RAP1GAP2: variants seen among roughly 807,000 people sequenced by gnomAD.
RAP1GAP2 encodes the protein rap1 GTPase-activating protein 2.
Under a neutral mutation model 95.0 loss-of-function variants are expected in RAP1GAP2, and 27 were observed. The ratio of observed to expected loss-of-function variants is 0.28; its 90% CI spans 0.21 to 0.39. The LOEUF is 0.39. RAP1GAP2 is among the 10% of genes least tolerant of loss of function. The pLI, the probability that RAP1GAP2 is intolerant of heterozygous loss-of-function variation, is 1.00. For synonymous variants in RAP1GAP2, 373 were observed against 380.9 expected (o/e 0.98, Z 0.24); for missense variants, 771 against 970.0 (o/e 0.79, Z 2.72).
At chr17:2,912,216 A>G (rs2042410271) in intron 3 of RAP1GAP2, among the ~76,000 whole-genome samples, 2 of 152,230 alleles carry the variant, frequency 1.3e-5, no homozygotes, top group African/African-American at 2.4e-5. Context: ...GCCCCTCTCT[A>G]TCCCTCTGGG....
chr17:2,872,865 G>A (rs1202890824), intron 2 of RAP1GAP2, among the ~76,000 whole-genome samples: 5 of 151,962 alleles, frequency 3.3e-5, no homozygotes, highest in Non-Finnish European at 7.4e-5. Context: ...ATCCCACTTT[G>A]TTGCCCAGGC....
At chr17:2,761,223 G>T (rs924688749) in intron 1 of RAP1GAP2, among the ~76,000 whole-genome samples, 1 of 151,616 alleles carries the variant, frequency 6.6e-6, no homozygotes, top group African/African-American at 2.4e-5. Flanking sequence ...CCAAAGTGCT[G>T]GGATTACAGG....
chr17:2,923,924 G>A (rs1411351227), intron 3 of RAP1GAP2, among the ~76,000 whole-genome samples: 2 of 152,144 alleles, frequency 1.3e-5, no homozygotes, highest in Non-Finnish European at 2.9e-5. Context: ...GTAATAAAAA[G>A]AGCTAAATTC....
chr17:2,868,067 GGC>G (rs2151633820), intron 2 of RAP1GAP2, among the ~76,000 whole-genome samples: 1 of 152,302 alleles, frequency 6.6e-6, no homozygotes, highest in East Asian at 1.9e-4. Context: ...GCTCGGGGTT[GGC>G]TCTCGGCTCT....
intron 17 of RAP1GAP2, among the ~76,000 whole-genome samples, chr17:3,013,282 C>T (rs532814986): frequency 1.3e-5 from 2 of 152,236 alleles, no homozygotes; most frequent in Non-Finnish European, 2.9e-5. Context: ...AGCAGGGCCC[C>T]GCCAAGAATC....
intron 2 of RAP1GAP2, among the ~76,000 whole-genome samples, chr17:2,810,185 A>T (rs1244224966): frequency 6.6e-6 from 1 of 151,964 alleles, no homozygotes; most frequent in East Asian, 1.9e-4. Flanking sequence ...GGACCTTGCG[A>T]GCTTTGTCTG....
intron 14 of RAP1GAP2, among the ~76,000 whole-genome samples, chr17:2,999,551 C>T (rs186915925): frequency 1.6e-4 from 25 of 152,310 alleles, no homozygotes; most frequent in African/African-American, 5.8e-4. Flanking sequence ...CAAATAATTT[C>T]AGCCCATCCT....
chr17:2,978,194 G>T (rs191766150), intron 8 of RAP1GAP2, among the ~76,000 whole-genome samples: 3 of 152,146 alleles, frequency 2.0e-5, no homozygotes, highest in Admixed American at 2.0e-4. Flanking sequence ...CCTTAGCATA[G>T]AATTTTTTTC....
intron 2 of RAP1GAP2, among the ~76,000 whole-genome samples, chr17:2,889,863 G>GTGTATATATA (rs1363693850): frequency 1.3e-5 from 1 of 79,860 alleles, no homozygotes; most frequent in Non-Finnish European, 2.2e-5. Flanking sequence ...TTATGTGTGT[G>GTGTATATATA]TATATATATA....
rs189633121 is a variant in RAP1GAP2, at chr17:2,960,216, C to T, written c.201+2422C>T. On this transcript the variant is annotated intron_variant, in intron 4 of 24. Coordinates refer to ENST00000254695, the MANE Select transcript of RAP1GAP2 (RefSeq NM_015085.5). ...GGCCCCGTGCTGGGCAGTGGCTCTG[C>T]GGTAGGTTATTAGGGGAGGGAGTGG... Among the ~76,000 whole-genome samples, 213 of 151,380 alleles carry T rather than the reference C, an allele frequency of 1.4e-3. 1 individual carries two copies. The Middle Eastern group carries it at 0.021, about 15-fold the overall frequency.
chr17:3,002,334 G>C (rs2046189370), intron 14 of RAP1GAP2, among the ~76,000 whole-genome samples: 1 of 152,218 alleles, frequency 6.6e-6, no homozygotes, highest in Admixed American at 6.5e-5. Flanking sequence ...GGGGGGCAGG[G>C]CTTCCCGGAG....
chr17:2,844,815 A>G (rs2071518625), intron 2 of RAP1GAP2, among the ~76,000 whole-genome samples: 1 of 152,184 alleles, frequency 6.6e-6, no homozygotes, highest in African/African-American at 2.4e-5. Flanking sequence ...CCTGGACCCA[A>G]CCCAGAGTTC....
chr17:2,820,886 A>C, intron 2 of RAP1GAP2, among the ~76,000 whole-genome samples: 1 of 87,588 alleles, frequency 1.1e-5, no homozygotes, highest in Non-Finnish European at 2.2e-5. Flanking sequence ...CACGGCCCGG[A>C]TAATGGTTTT....
chr17:2,932,842 A>ACGG (rs1555571560), intron 3 of RAP1GAP2, among the ~76,000 whole-genome samples: 2 of 94,170 alleles, frequency 2.1e-5, no homozygotes, highest in African/African-American at 4.1e-5. Flanking sequence ...AAAAAAAAAA[A>ACGG]AGAGCAGGGA....
chr17:2,831,186 C>T (rs1436404243), intron 2 of RAP1GAP2, among the ~76,000 whole-genome samples: 1 of 146,354 alleles, frequency 6.8e-6, no homozygotes, highest in Non-Finnish European at 1.5e-5. Context: ...CAAGGATTCT[C>T]CTGCCTTAGC....
At chr17:2,763,026 G>A (rs2068212559) in intron 1 of RAP1GAP2, among the ~76,000 whole-genome samples, 1 of 152,118 alleles carries the variant, frequency 6.6e-6, no homozygotes, top group Non-Finnish European at 1.5e-5. Context: ...TTGGCCCTCT[G>A]TAGCAGTTAC....
At chr17:2,771,503 T>G (rs1383527320) in intron 2 of RAP1GAP2, among the ~76,000 whole-genome samples, 1 of 150,490 alleles carries the variant, frequency 6.6e-6, no homozygotes, top group Non-Finnish European at 1.5e-5. Flanking sequence ...TTTTTTGTTT[T>G]TTTTTTTTAG....
intron 2 of RAP1GAP2, among the ~76,000 whole-genome samples, chr17:2,893,736 C>T (rs1284660152): frequency 2.6e-5 from 4 of 152,098 alleles, no homozygotes; most frequent in Non-Finnish European, 5.9e-5. Flanking sequence ...CAGGCAGTGC[C>T]AGGCAGAGCC....
At chr17:2,981,519 C>T (rs905107016) in intron 10 of RAP1GAP2, among the ~76,000 whole-genome samples, 1 of 152,290 alleles carries the variant, frequency 6.6e-6, no homozygotes, top group Non-Finnish European at 1.5e-5. Context: ...GCTTCTCCAC[C>T]ACACCTCATT....
Sources: gnomAD v4.1 joint callset for allele counts (sites outside exome capture counted in the v4.1 genomes callset) on GRCh38, gnomAD v4.1.1 for gene constraint, MANE v1.5 for transcripts, NCBI Gene and HGNC (gene_info 2026-07-23, HGNC 2026-07-21) for gene names.